Variants in SLC12A8 observed in about 807,000 individuals in gnomAD.
SLC12A8 encodes the protein cation-chloride cotransporter 9.
Under a neutral mutation model 75.6 loss-of-function variants are expected in SLC12A8, and 69 were observed. That is an observed-to-expected ratio of 0.91 (90% CI 0.75 to 1.11). SLC12A8 has a LOEUF of 1.11. Among genes scored for constraint, SLC12A8 ranks in the 50% most tolerant of loss-of-function variants. The probability of loss-of-function intolerance (pLI) is 0.00; values close to 1 mark genes in which losing one functional copy is unlikely to be tolerated. For missense variants in SLC12A8, 877 were observed against 896.7 expected (o/e 0.98, Z 0.28); for synonymous variants, 365 against 372.8 (o/e 0.98, Z 0.24).
chr3:125,131,223 T>C (rs1246625614), intron 6 of SLC12A8, among the ~76,000 whole-genome samples: 1 of 152,162 alleles, frequency 6.6e-6, no homozygotes, highest in East Asian at 1.9e-4. Context: ...GTGCACTGTT[T>C]TGGCTTCTGT....
chr3:125,147,150 C>T lies in SLC12A8; in HGVS notation c.623-11368G>A, dbSNP rs567103172. Among the ~76,000 whole-genome samples, 45 of 152,322 alleles carry T rather than the reference C, an allele frequency of 3.0e-4. No homozygotes were observed. The East Asian group carries it at 5.0e-3, about 17-fold the overall frequency. On this transcript the variant is annotated intron_variant, in intron 5 of 13. Coordinates refer to ENST00000469902, the MANE Select transcript of SLC12A8 (RefSeq NM_024628.6). ...GGGAAGACTTCCGCAAAATCAAGGG[C>T]GCTGTTGTCCTAGTCCTAGGGTCAA...
intron 6 of SLC12A8, among the ~76,000 whole-genome samples, chr3:125,122,435 A>G (rs932470263): frequency 2.0e-5 from 3 of 152,202 alleles, no homozygotes; most frequent in Non-Finnish European, 4.4e-5. Context: ...TTAAGAGCAT[A>G]GTAAAGGGGA....
chr3:125,121,657 A>T (rs570253), intron 6 of SLC12A8, among the ~76,000 whole-genome samples: 1 of 152,248 alleles, frequency 6.6e-6, no homozygotes, highest in African/African-American at 2.4e-5. Context: ...CTTATGGAAA[A>T]GTGTTCAAAG....
intron 4 of SLC12A8, among the ~76,000 whole-genome samples, chr3:125,186,286 G>A (rs899875438): frequency 2.0e-5 from 3 of 152,094 alleles, no homozygotes; most frequent in African/African-American, 7.2e-5. Context: ...GAGTGCAGAG[G>A]CCATCTGTTT....
At chr3:125,189,302 A>G (rs1579535455) in intron 3 of SLC12A8, among the ~76,000 whole-genome samples, 1 of 152,332 alleles carries the variant, frequency 6.6e-6, no homozygotes, top group East Asian at 1.9e-4. Context: ...TAATATATAC[A>G]TGACATACTT....
chr3:125,205,209 C>T lies in SLC12A8; in HGVS notation c.51+6090G>A, dbSNP rs141789388. Among the ~76,000 whole-genome samples, 726 of 152,316 alleles carry T rather than the reference C, an allele frequency of 4.8e-3. 1 individual carries two copies. The highest frequency in any genetic ancestry group is 7.2e-3 in the Non-Finnish European group (489 of 68,024). Reference sequence around the variant, plus strand: ...AACCCCAATAAACCCTCACTCCTGTCTTCAGCCCCCTGAGCATCCCTGGTG... The same window carrying T: ...AACCCCAATAAACCCTCACTCCTGTTTTCAGCCCCCTGAGCATCCCTGGTG... On this transcript the variant is annotated intron_variant, in intron 2 of 13. Transcript: ENST00000469902.
chr3:125,090,174 G>C (rs915272553), intron 12 of SLC12A8, among the ~76,000 whole-genome samples: 1 of 152,068 alleles, frequency 6.6e-6, no homozygotes, highest in Non-Finnish European at 1.5e-5. Flanking sequence ...CCTCCAAGTA[G>C]CTAAGACAAC....
chr3:125,151,793 G>T (rs1346535304), intron 5 of SLC12A8, among the ~76,000 whole-genome samples: 1 of 152,206 alleles, frequency 6.6e-6, no homozygotes, highest in Non-Finnish European at 1.5e-5. Context: ...TTGATTTTCT[G>T]AAATTTGGAT....
chr3:125,184,745 T>A (rs945011539), intron 4 of SLC12A8, among the ~76,000 whole-genome samples: 1 of 151,086 alleles, frequency 6.6e-6, no homozygotes, highest in Non-Finnish European at 1.5e-5. Context: ...TAGGGAAAGA[T>A]GAGCAAAGTG....
intron 2 of SLC12A8, among the ~76,000 whole-genome samples, chr3:125,200,038 T>A (rs1033472901): frequency 2.0e-5 from 3 of 152,130 alleles, no homozygotes; most frequent in African/African-American, 7.2e-5. Context: ...CCAGAAGCCA[T>A]TAGCAATGAC....
chr3:125,086,451 T>C (rs1018117934), intron 13 of SLC12A8, among the ~76,000 whole-genome samples: 1 of 152,130 alleles, frequency 6.6e-6, no homozygotes, highest in African/African-American at 2.4e-5. Context: ...GAATTCAGAG[T>C]ACAACATAAG....
chr3:125,109,485 C>A (rs1014647565), intron 9 of SLC12A8, among the ~76,000 whole-genome samples: 9 of 152,176 alleles, frequency 5.9e-5, no homozygotes, highest in African/African-American at 2.2e-4. Flanking sequence ...GTTCCCTAAA[C>A]CAGAGAGAGG....
intron 6 of SLC12A8, among the ~76,000 whole-genome samples, chr3:125,133,377 AC>A (rs1261876620): frequency 4.2e-4 from 21 of 50,428 alleles, no homozygotes; most frequent in Admixed American, 4.6e-4. Context: ...ACACACACAC[AC>A]AATTTTTTTT....
intron 4 of SLC12A8, among the ~76,000 whole-genome samples, chr3:125,181,041 T>C (rs1472970399): frequency 6.6e-6 from 1 of 152,132 alleles, no homozygotes; most frequent in Non-Finnish European, 1.5e-5. Context: ...AAAATTATGA[T>C]AGAAAAGGAT....
intron 12 of SLC12A8, among the ~76,000 whole-genome samples, chr3:125,091,187 A>G (rs1165232230): frequency 6.6e-6 from 1 of 152,186 alleles, no homozygotes; most frequent in Non-Finnish European, 1.5e-5. Flanking sequence ...CTTTCACTTC[A>G]CTGCTAGCTC....
intron 5 of SLC12A8, among the ~76,000 whole-genome samples, chr3:125,159,383 A>G (rs1268857004): frequency 6.6e-6 from 1 of 152,184 alleles, no homozygotes; most frequent in African/African-American, 2.4e-5. Context: ...GGCAAGAGCC[A>G]CCGCACCCAT....
At chr3:125,167,067 C>G (rs1934306140) in intron 5 of SLC12A8, among the ~76,000 whole-genome samples, 1 of 152,076 alleles carries the variant, frequency 6.6e-6, no homozygotes, top group African/African-American at 2.4e-5. Flanking sequence ...AAAATAATAT[C>G]CATTAAATTC....
intron 5 of SLC12A8, among the ~76,000 whole-genome samples, chr3:125,176,928 G>A (rs1041467515): frequency 1.1e-4 from 17 of 151,982 alleles, no homozygotes; most frequent in African/African-American, 3.4e-4. Context: ...GATTCCTCAC[G>A]GATCTAGAAC....
chr3:125,178,460 C>A (rs1173600784), intron 4 of SLC12A8, among the ~76,000 whole-genome samples: 1 of 152,046 alleles, frequency 6.6e-6, no homozygotes. Context: ...AAGTGAGTGG[C>A]ACGTCTTTTT....
Sources: allele counts gnomAD v4.1 joint callset (sites outside exome capture counted in the v4.1 genomes callset), GRCh38; gene constraint gnomAD v4.1.1; transcripts MANE v1.5; gene names NCBI Gene and HGNC (gene_info 2026-07-23, HGNC 2026-07-21).